JAM3: variants seen among roughly 807,000 people sequenced by gnomAD.
JAM3 encodes junctional adhesion molecule C.
A neutral mutation model predicts 39.4 loss-of-function variants in JAM3; 31 were observed. That is an observed-to-expected ratio of 0.79 (90% CI 0.59 to 1.06). The LOEUF is 1.06. Among genes scored for constraint, JAM3 ranks in the 50% least tolerant of loss-of-function variants. The probability of loss-of-function intolerance (pLI) is 0.00; values close to 1 mark genes in which losing one functional copy is unlikely to be tolerated. For missense variants in JAM3, 455 were observed against 391.4 expected (o/e 1.16, Z -1.37); for synonymous variants, 182 against 148.7 (o/e 1.22, Z -1.63).
At chr11:134,140,388 G>T (rs1942952235) in intron 2 of JAM3, among the ~76,000 whole-genome samples, 1 of 152,156 alleles carries the variant, frequency 6.6e-6, no homozygotes, top group African/African-American at 2.4e-5. Context: ...AAGATTACAG[G>T]TGTGAGCCAC....
chr11:134,087,584 T>C (rs1346526903), intron 1 of JAM3, among the ~76,000 whole-genome samples: 1 of 152,166 alleles, frequency 6.6e-6, no homozygotes, highest in Non-Finnish European at 1.5e-5. Context: ...TAAAAACCTT[T>C]CTCTTCTTAC....
At chr11:134,077,852 A>T (rs1941598718) in intron 1 of JAM3, among the ~76,000 whole-genome samples, 1 of 151,758 alleles carries the variant, frequency 6.6e-6, no homozygotes, top group Non-Finnish European at 1.5e-5. Context: ...GTGTTTCACC[A>T]TGTTGGCCAG....
At chr11:134,117,233 C>T (rs75433869) in intron 1 of JAM3, among the ~76,000 whole-genome samples, 307 of 151,978 alleles carry the variant, frequency 2.0e-3, no homozygotes, top group East Asian at 5.8e-3. Context: ...ATAAAATAAC[C>T]GGGGATGGTG....
chr11:134,084,030 C>T (rs1274083036), intron 1 of JAM3, among the ~76,000 whole-genome samples: 1 of 152,100 alleles, frequency 6.6e-6, no homozygotes. Context: ...GAAAATTGGT[C>T]ATAAGACTTT....
intron 1 of JAM3, among the ~76,000 whole-genome samples, chr11:134,136,093 A>G (rs1161031236): frequency 1.3e-5 from 2 of 151,458 alleles, no homozygotes; most frequent in Non-Finnish European, 2.9e-5. Context: ...AAACTGCTGA[A>G]TGAATGGAAT....
At chr11:134,088,934 C>T (rs1294251981) in intron 1 of JAM3, among the ~76,000 whole-genome samples, 1 of 152,302 alleles carries the variant, frequency 6.6e-6, no homozygotes, top group East Asian at 1.9e-4. Flanking sequence ...GGACTACAGG[C>T]ACTTGCCACC....
chr11:134,140,842 G>C, intron 3 of JAM3, 72 bp downstream of exon 3: 1 of 1,538,214 alleles, frequency 6.5e-7, no homozygotes, highest in Non-Finnish European at 8.8e-7. Flanking sequence ...CTCTTGGCCA[G>C]AAACTTACCT....
chr11:134,141,451 AGGAGAGGGG>A (rs991170120), intron 3 of JAM3, among the ~76,000 whole-genome samples: 7 of 150,934 alleles, frequency 4.6e-5, no homozygotes, highest in African/African-American at 1.2e-4. Flanking sequence ...GGAGAGAGGG[AGGAGAGGGG>A]GGAGAGGGGC....
intron 1 of JAM3, among the ~76,000 whole-genome samples, chr11:134,107,863 A>AAAAT (rs59869635): frequency 0.19 from 28,107 of 151,492 alleles, 3,313 homozygotes; most frequent in African/African-American, 0.34. Context: ...CCTTGTCTCT[A>AAAAT]AAATAAATAA....
Position 134,149,383 on chromosome 11 carries a change from G to A in JAM3, c.*202G>A. On this transcript the variant is annotated 3_prime_UTR_variant, in exon 9 of 9. Coordinates refer to ENST00000299106, the MANE Select transcript of JAM3 (RefSeq NM_032801.5). ...AAGAATTTTCCTCAAGATGGACCCG[G>A]TAAATATAACCACAAGGAAGCGAAA... 1 of 647,634 alleles carries A rather than the reference G, an allele frequency of 1.5e-6. No individual in the cohort carries two copies. The highest frequency in any genetic ancestry group is 2.7e-6 in the Non-Finnish European group (1 of 366,228). 40.1% of individuals were successfully genotyped at this position (647,634 alleles called of 1,614,324 possible). A position where few individuals can be genotyped will look rare whatever the true frequency, so the allele number is the denominator to read the frequency against.
intron 1 of JAM3, among the ~76,000 whole-genome samples, chr11:134,098,036 A>T (rs1942013535): frequency 6.6e-6 from 1 of 152,050 alleles, no homozygotes; most frequent in Non-Finnish European, 1.5e-5. Context: ...CGCAGGAAAC[A>T]TCTCCTTTTC....
chr11:134,077,650 CTTTTTTTTTTT>C (rs71038558), intron 1 of JAM3, among the ~76,000 whole-genome samples: 9,483 of 102,402 alleles, frequency 0.093, 413 homozygotes, highest in African/African-American at 0.14. Flanking sequence ...TGGCTGGCGC[CTTTTTTTTTTT>C]TTTTTTTTTT....
At chr11:134,140,898 T>TTA in intron 3 of JAM3, 128 bp downstream of exon 3, 1 of 1,124,152 alleles carries the variant, frequency 8.9e-7, no homozygotes, top group Non-Finnish European at 1.2e-6. Context: ...TTTTTTTTTT[T>TTA]AAAGATTTAT....
intron 1 of JAM3, among the ~76,000 whole-genome samples, chr11:134,111,979 C>G (rs1242100894): frequency 6.6e-6 from 1 of 152,200 alleles, no homozygotes; most frequent in African/African-American, 2.4e-5. Context: ...ACACTAATTA[C>G]ATTTTTAAAA....
At chr11:134,103,572 T>C (rs1425113015) in intron 1 of JAM3, among the ~76,000 whole-genome samples, 5 of 152,180 alleles carry the variant, frequency 3.3e-5, no homozygotes, top group Non-Finnish European at 1.5e-5. Flanking sequence ...TCTGGCAAAT[T>C]GGATAAAGAG....
rs1284375031 is a variant in JAM3, at chr11:134,146,051, TTTC to T, written c.712+9_712+11del. 1.9e-6 allele frequency: 3 copies of T among 1,603,978 alleles called. No individual in the cohort carries two copies. Among genetic ancestry groups the T allele is most frequent in the East Asian group, 2.2e-5 (1 of 44,822 alleles). Reference sequence around the variant, plus strand: ...GGAGCAGGAGATGGAAGTCTGTGAGTTTCTTTTTTGAAGAGGTTTCATCGCAAG... The same window carrying T: ...GGAGCAGGAGATGGAAGTCTGTGAGTTTTTTTGAAGAGGTTTCATCGCAAG... On this transcript the variant is annotated splice_region_variant and intron_variant, in intron 6 of 8. Transcript: ENST00000299106.
chr11:134,107,310 C>T (rs1942211479), intron 1 of JAM3, among the ~76,000 whole-genome samples: 1 of 152,004 alleles, frequency 6.6e-6, no homozygotes, highest in Admixed American at 6.6e-5. Flanking sequence ...GGAAGGGGAA[C>T]ATCACACACC....
chr11:134,143,194 C>T (rs190862377), intron 3 of JAM3, among the ~76,000 whole-genome samples: 252 of 152,216 alleles, frequency 1.7e-3, no homozygotes, highest in Middle Eastern at 0.01. Context: ...AGCTGCTTTA[C>T]GATTTTACAC....
intron 1 of JAM3, among the ~76,000 whole-genome samples, chr11:134,095,421 G>A (rs1474490467): frequency 6.6e-6 from 1 of 151,816 alleles, no homozygotes; most frequent in Non-Finnish European, 1.5e-5. Flanking sequence ...CACGAGGTCA[G>A]GAGATCGAGA....
Sources: gnomAD v4.1 joint callset for allele counts (sites outside exome capture counted in the v4.1 genomes callset) on GRCh38, gnomAD v4.1.1 for gene constraint, MANE v1.5 for transcripts, NCBI Gene and HGNC (gene_info 2026-07-23, HGNC 2026-07-21) for gene names.